ABR: variants seen among roughly 807,000 people sequenced by gnomAD.
ABR encodes the protein ABR activator of RhoGEF and GTPase.
A neutral mutation model predicts 107.2 loss-of-function variants in ABR; 35 were observed. The ratio of observed to expected loss-of-function variants is 0.33; its 90% CI spans 0.25 to 0.43. The LOEUF (loss-of-function observed/expected upper bound fraction) is 0.43, where lower values mean the gene tolerates loss of function less well. Ranked by LOEUF, ABR falls within the 20% of genes least tolerant of loss-of-function variation. The pLI is 1.00. For missense variants in ABR, 815 were observed against 1,115.2 expected (o/e 0.73, Z 3.83); for synonymous variants, 498 against 462.0 (o/e 1.08, Z -1.00).
chr17:1,195,803 C>A (rs1456359297), intron 1 of ABR, among the ~76,000 whole-genome samples: 1 of 142,812 alleles, frequency 7.0e-6, no homozygotes, highest in African/African-American at 2.7e-5. Context: ...GACTCTGTCT[C>A]AAAAAAAAAA....
chr17:1,141,176 T>C (rs1330886185), intron 1 of ABR, among the ~76,000 whole-genome samples: 1 of 152,096 alleles, frequency 6.6e-6, no homozygotes, highest in East Asian at 1.9e-4. Context: ...ATCCAGGAGA[T>C]ATTTAATACC....
intron 16 of ABR, chr17:1,031,849 C>T (rs1427641684): frequency 1.1e-5 from 13 of 1,157,532 alleles, no homozygotes; most frequent in Non-Finnish European, 1.4e-5. Context: ...CCCGCGCTCG[C>T]CTCCCTCCCT....
At chr17:1,162,363 T>G (rs2041334837) in intron 1 of ABR, among the ~76,000 whole-genome samples, 1 of 152,192 alleles carries the variant, frequency 6.6e-6, no homozygotes, top group Non-Finnish European at 1.5e-5. Flanking sequence ...ACAGCCTGGT[T>G]TCCTGGCGTG....
At chr17:1,183,453 G>C (rs1238073559), upstream of ABR, among the ~76,000 whole-genome samples, 1 of 152,178 alleles carries the variant, frequency 6.6e-6, no homozygotes, top group Non-Finnish European at 1.5e-5. Flanking sequence ...ACGAGGGGCT[G>C]AGTGGGAAGA....
chr17:1,081,901 G>A (rs2036261600), intron 5 of ABR, among the ~76,000 whole-genome samples: 1 of 152,138 alleles, frequency 6.6e-6, no homozygotes, highest in Admixed American at 6.6e-5. Context: ...TCATTCCAGA[G>A]GCGAAGTGTC....
At position 1,071,174 on chromosome 17, in the gene ABR, T is replaced by C. The variant is rs577567017; in HGVS notation, c.895-1084A>G. On this transcript the variant is annotated intron_variant, in intron 8 of 22. Coordinates refer to ENST00000302538, the MANE Select transcript of ABR (RefSeq NM_021962.5). This position sits in a 1 kb window ranked among gnomAD's most constrained non-coding sequence, Gnocchi z 5.1. ...ATGAGATTCAGTCTCAAAAAAAGGA[T>C]GACTGAAAACGGAGGGTACGCTAAG... Among the ~76,000 whole-genome samples, 1 of 152,128 alleles carries C rather than the reference T, an allele frequency of 6.6e-6. No homozygotes were observed. Among genetic ancestry groups the C allele is most frequent in the South Asian group, 2.1e-4 (1 of 4,798 alleles).
At chr17:1,199,416 T>C (rs2042631247) in intron 1 of ABR, among the ~76,000 whole-genome samples, 1 of 151,120 alleles carries the variant, frequency 6.6e-6, no homozygotes, top group African/African-American at 2.5e-5. Context: ...TCTGGTTTTT[T>C]TGAAACAGGA....
At chr17:1,021,223 G>A (rs886836634) in intron 16 of ABR, among the ~76,000 whole-genome samples, 2 of 152,188 alleles carry the variant, frequency 1.3e-5, no homozygotes, top group African/African-American at 4.8e-5. Flanking sequence ...TGATCCAGGG[G>A]CTCACTGGAC....
intron 1 of ABR, among the ~76,000 whole-genome samples, chr17:1,137,315 T>TACAG (rs1236877202): frequency 6.6e-6 from 1 of 152,206 alleles, no homozygotes; most frequent in African/African-American, 2.4e-5. Flanking sequence ...GTGCTGGGAT[T>TACAG]ACAGGCGTGA....
chr17:1,100,748 A>G lies in ABR; in HGVS notation c.247-13T>C. ...TCCCTGCTTCCACCTGCACAAACGC[A>G]AAGCACAGCCAACAGCTCATGAGCA... On this transcript the variant is annotated splice_polypyrimidine_tract_variant and intron_variant, in intron 2 of 22. Transcript: ENST00000302538. The G allele has an allele frequency of 1.2e-6, 2 of 1,613,830 alleles. No individual in the cohort carries two copies. Among genetic ancestry groups the G allele is most frequent in the Non-Finnish European group, 1.7e-6 (2 of 1,179,776 alleles).
At position 1,037,443 on chromosome 17, in the gene ABR, G is replaced by T. The variant is rs1480124955; in HGVS notation, c.1791+12607C>A. Among the ~76,000 whole-genome samples, 1 of 152,216 alleles carries T rather than the reference G, an allele frequency of 6.6e-6. No homozygotes were observed. Among genetic ancestry groups the T allele is most frequent in the Non-Finnish European group, 1.5e-5 (1 of 68,038 alleles). ...AGAGGCTGAAACAGCCCAAGAGCTTGTCTGCTGCAGGAGAAGTGTCCCGAC... is the reference window on the plus strand; with the variant it reads ...AGAGGCTGAAACAGCCCAAGAGCTTTTCTGCTGCAGGAGAAGTGTCCCGAC... On this transcript the variant is annotated intron_variant, in intron 16 of 22. Coordinates refer to ENST00000302538, the MANE Select transcript of ABR (RefSeq NM_021962.5). The surrounding 1 kb of genome is among the most constrained non-coding windows in gnomAD (Gnocchi z 4.6).
rs145824682 is a variant in ABR, at chr17:1,094,601, C to G, written c.346-2751G>C. On this transcript the variant is annotated intron_variant, in intron 3 of 22. Coordinates refer to ENST00000302538, the MANE Select transcript of ABR (RefSeq NM_021962.5). ...GGTCAGGCTGGTCTCAAACTCCTGACTTCAAGTGATCCACGTGCCTCGGCC... is the reference window on the plus strand; with the variant it reads ...GGTCAGGCTGGTCTCAAACTCCTGAGTTCAAGTGATCCACGTGCCTCGGCC... Among the ~76,000 whole-genome samples the G allele has an allele frequency of 4.1e-3, 621 of 152,282 alleles. 26 individuals are homozygous for G. The East Asian group carries it at 0.095, about 23-fold the overall frequency.
chr17:1,161,542 G>A (rs866749682), intron 1 of ABR, among the ~76,000 whole-genome samples: 16 of 149,610 alleles, frequency 1.1e-4, no homozygotes, highest in Non-Finnish European at 1.6e-4. Context: ...CACCGTGCCC[G>A]GTCAAAGTCA....
At position 1,074,377 on chromosome 17, in the gene ABR, C is replaced by T. The variant is rs547272376; in HGVS notation, c.701-700G>A. On this transcript the variant is annotated intron_variant, in intron 6 of 22. Coordinates refer to ENST00000302538, the MANE Select transcript of ABR (RefSeq NM_021962.5). ...TCACACAGCTCCACCCAGCCACGCC[C>T]CGCAGAGTCCAGCATACCTGCCACA... 1.1e-4 allele frequency among the ~76,000 whole-genome samples: 17 copies of T among 151,516 alleles called. No individual in the cohort carries two copies. The South Asian group carries it at 3.4e-3, about 30-fold the overall frequency.
chr17:1,199,901 A>G (rs1024890383), intron 1 of ABR, among the ~76,000 whole-genome samples: 14 of 151,480 alleles, frequency 9.2e-5, no homozygotes, highest in African/African-American at 3.4e-4. Flanking sequence ...CTTTTTTTGT[A>G]TGCATATAAT....
At chr17:1,087,528 C>T (rs2036683122) in intron 4 of ABR, among the ~76,000 whole-genome samples, 1 of 151,196 alleles carries the variant, frequency 6.6e-6, no homozygotes, top group South Asian at 2.1e-4. Flanking sequence ...GGGGGCAGGG[C>T]CGGACTTTTA....
chr17:1,156,690 A>G (rs892040158), intron 1 of ABR, among the ~76,000 whole-genome samples: 1 of 146,984 alleles, frequency 6.8e-6, no homozygotes, highest in African/African-American at 2.5e-5. Context: ...TCTCAAAAAG[A>G]AAAAAAAAAA....
intron 3 of ABR, among the ~76,000 whole-genome samples, chr17:1,100,325 G>A (rs1207503608): frequency 6.6e-6 from 1 of 152,176 alleles, no homozygotes; most frequent in Non-Finnish European, 1.5e-5. Context: ...CCCCCGCCCA[G>A]GCAGGCAGAG....
At chr17:1,175,397 G>A (rs1229301462) in intron 1 of ABR, among the ~76,000 whole-genome samples, 2 of 152,178 alleles carry the variant, frequency 1.3e-5, no homozygotes, top group African/African-American at 4.8e-5. Flanking sequence ...GGGCGAGAGA[G>A]CGAGACTCTG....
Sources: allele counts gnomAD v4.1 joint callset (sites outside exome capture counted in the v4.1 genomes callset), GRCh38; gene constraint gnomAD v4.1.1; non-coding constraint Gnocchi (gnomAD v3.1); transcripts MANE v1.5; gene names NCBI Gene and HGNC (gene_info 2026-07-23, HGNC 2026-07-21).